Variants in EPS15 observed in about 807,000 individuals in gnomAD.
EPS15 encodes the protein epidermal growth factor receptor pathway substrate 15.
EPS15 carries 72 observed loss-of-function variants against 113.8 expected under a neutral mutation model. The ratio of observed to expected loss-of-function variants is 0.63; its 90% CI spans 0.52 to 0.77. The LOEUF is 0.77. Ranked by LOEUF, EPS15 falls within the 30% of genes least tolerant of loss-of-function variation. EPS15 has a pLI of 0.00. For missense variants in EPS15, 1,048 were observed against 1,045.8 expected, an observed-to-expected ratio of 1.00 and a Z score of -0.03; for synonymous variants, 344 against 363.4, an observed-to-expected ratio of 0.95 and a Z score of 0.61.
chr1:51,476,984 G>A (rs1181479203), intron 2 of EPS15, among the ~76,000 whole-genome samples: 1 of 152,140 alleles, frequency 6.6e-6, no homozygotes, highest in Non-Finnish European at 1.5e-5. Flanking sequence ...GAGTTAGGGA[G>A]GATTCCCTCT....
intron 1 of EPS15, among the ~76,000 whole-genome samples, chr1:51,508,270 GAGAA>G (rs377021973): frequency 5.0e-4 from 59 of 119,190 alleles, no homozygotes; most frequent in East Asian, 3.5e-3. Flanking sequence ...GAGAGAGAGA[GAGAA>G]AGAGAGAAAG....
At chr1:51,362,693 A>G (rs906167545) in intron 23 of EPS15, among the ~76,000 whole-genome samples, 3 of 152,144 alleles carry the variant, frequency 2.0e-5, no homozygotes, top group Non-Finnish European at 4.4e-5. Flanking sequence ...CAATTCTTTC[A>G]GTCAAAGAAA....
At chr1:51,449,275 C>T (rs926999975) in intron 8 of EPS15, among the ~76,000 whole-genome samples, 2 of 152,120 alleles carry the variant, frequency 1.3e-5, no homozygotes, top group African/African-American at 4.8e-5. Context: ...ACAACAAGAT[C>T]ATGTCCTTTG....
At chr1:51,392,289 T>G (rs116226266) in intron 21 of EPS15, among the ~76,000 whole-genome samples, 1 of 152,326 alleles carries the variant, frequency 6.6e-6, no homozygotes, top group African/African-American at 2.4e-5. Context: ...ATACAAATAA[T>G]CTAACGTAGT....
At chr1:51,452,679 C>T (rs189515973) in intron 8 of EPS15, among the ~76,000 whole-genome samples, 1 of 152,174 alleles carries the variant, frequency 6.6e-6, no homozygotes, top group East Asian at 1.9e-4. Flanking sequence ...AGAAGTGATA[C>T]AGTGGGGTTC....
chr1:51,433,151 G>T (rs370699890), intron 12 of EPS15, among the ~76,000 whole-genome samples: 1 of 152,152 alleles, frequency 6.6e-6, no homozygotes, highest in Non-Finnish European at 1.5e-5. Flanking sequence ...ATATATTTAG[G>T]AACACAGAAT....
At position 51,463,678 on chromosome 1, in the gene EPS15, C is replaced by G. The variant is rs775814698; in HGVS notation, c.496G>C (p.Gly166Arg). Reference protein sequence around the residue: ...LNSKLPVDILGRVWELSDIDH... With the variant: ...LNSKLPVDILRRVWELSDIDH... Reference sequence around the variant, plus strand: ...CGGAGTAAATAATATCTTACTCTTCCAAGGATATCCACAGGTAACTTAGAG... The same window carrying G: ...CGGAGTAAATAATATCTTACTCTTCGAAGGATATCCACAGGTAACTTAGAG... The change falls in exon 7 of 25, where the codon GGA (glycine) becomes CGA (arginine). Residue 166 changes from glycine to arginine, a missense_variant. Physicochemically the swap from Gly to Arg is moderately radical, Grantham distance 125 (BLOSUM62 -2). Transcript: ENST00000371733. The G allele has an allele frequency of 6.3e-7, 1 of 1,582,220 alleles. No homozygotes were observed. Among genetic ancestry groups the G allele is most frequent in the South Asian group, 1.1e-5 (1 of 88,004 alleles).
At chr1:51,505,385 T>C (rs565053402) in intron 1 of EPS15, among the ~76,000 whole-genome samples, 4 of 152,308 alleles carry the variant, frequency 2.6e-5, no homozygotes, top group Admixed American at 2.0e-4. Flanking sequence ...TGCTGCAACA[T>C]AGATAAACCA....
At chr1:51,435,095 A>C (rs1652036112) in intron 12 of EPS15, among the ~76,000 whole-genome samples, 2 of 152,078 alleles carry the variant, frequency 1.3e-5, no homozygotes, top group Non-Finnish European at 1.5e-5. Flanking sequence ...CTAAGTCTGC[A>C]GAATATTTAA....
At chr1:51,394,298 G>T in intron 21 of EPS15, 83 bp downstream of exon 21, 1 of 805,168 alleles carries the variant, frequency 1.2e-6, no homozygotes, top group Non-Finnish European at 2.0e-6. Flanking sequence ...TAAATAACAG[G>T]ACAAATATAT....
At chr1:51,517,693 A>G (rs1018679121) in intron 1 of EPS15, among the ~76,000 whole-genome samples, 1 of 152,182 alleles carries the variant, frequency 6.6e-6, no homozygotes. Context: ...TTCCAAACAT[A>G]CATAACCAAG....
intron 1 of EPS15, among the ~76,000 whole-genome samples, chr1:51,493,364 A>T (rs1259616669): frequency 4.9e-5 from 7 of 142,858 alleles, no homozygotes; most frequent in African/African-American, 1.8e-4. Context: ...CCATCCTCCA[A>T]AAAAATAAAA....
At chr1:51,515,563 C>T (rs1644700625) in intron 1 of EPS15, among the ~76,000 whole-genome samples, 3 of 152,100 alleles carry the variant, frequency 2.0e-5, no homozygotes, top group South Asian at 4.1e-4. Context: ...TTTAAATATT[C>T]AAATCCTATC....
chr1:51,360,027 T>C (rs1170397182), intron 24 of EPS15, among the ~76,000 whole-genome samples: 1 of 152,050 alleles, frequency 6.6e-6, no homozygotes, highest in Non-Finnish European at 1.5e-5. Flanking sequence ...CTACAGGTGC[T>C]TAAAGCACTT....
intron 1 of EPS15, among the ~76,000 whole-genome samples, chr1:51,495,277 G>C (rs928054812): frequency 2.6e-5 from 4 of 152,036 alleles, no homozygotes; most frequent in African/African-American, 9.7e-5. Flanking sequence ...GATGTTTCCT[G>C]TCACATGCAA....
chr1:51,439,960 C>G (rs917364079), intron 12 of EPS15, among the ~76,000 whole-genome samples: 3 of 151,992 alleles, frequency 2.0e-5, no homozygotes, highest in Non-Finnish European at 4.4e-5. Flanking sequence ...ATATGTTATT[C>G]AAATATCTAA....
At chr1:51,476,712 A>G (rs1054899324) in intron 2 of EPS15, among the ~76,000 whole-genome samples, 1 of 151,382 alleles carries the variant, frequency 6.6e-6, no homozygotes, top group Non-Finnish European at 1.5e-5. Context: ...TTCTGCTCTG[A>G]TCTTAGTTAT....
chr1:51,433,183 T>G (rs1651870250), intron 12 of EPS15, among the ~76,000 whole-genome samples: 1 of 152,226 alleles, frequency 6.6e-6, no homozygotes, highest in Non-Finnish European at 1.5e-5. Context: ...GCTACATAGT[T>G]CCATTCACTC....
chr1:51,464,458 T>C (rs149041906), intron 6 of EPS15, among the ~76,000 whole-genome samples: 2,192 of 152,132 alleles, frequency 0.014, 49 homozygotes, highest in African/African-American at 0.045. Context: ...GCCAGGCTGG[T>C]CTCGAACTCC....
Sources: allele counts gnomAD v4.1 joint callset (sites outside exome capture counted in the v4.1 genomes callset), GRCh38; gene constraint gnomAD v4.1.1; transcripts MANE v1.5; gene names NCBI Gene and HGNC (gene_info 2026-07-23, HGNC 2026-07-21).